Variants in DGLUCY observed in about 807,000 individuals in gnomAD.
The protein encoded by DGLUCY is D-glutamate cyclase.
A neutral mutation model predicts 58.5 loss-of-function variants in DGLUCY; 58 were observed. That is an observed-to-expected ratio of 0.99 (90% CI 0.80 to 1.23). The LOEUF (loss-of-function observed/expected upper bound fraction) is 1.23. Ranked by LOEUF, DGLUCY falls within the 50% of genes most tolerant of loss-of-function variation. The probability of loss-of-function intolerance (pLI) is 0.00; values close to 1 mark genes in which losing one functional copy is unlikely to be tolerated. For synonymous variants in DGLUCY, 325 were observed against 314.1 expected (o/e 1.03, Z -0.37); for missense variants, 779 against 784.7 (o/e 0.99, Z 0.09).
chr14:91,172,939 T>C (rs184411071), intron 5 of DGLUCY, among the ~76,000 whole-genome samples: 1 of 152,300 alleles, frequency 6.6e-6, no homozygotes, highest in East Asian at 1.9e-4. Context: ...CCATCGTGTC[T>C]GGCCACATTT....
rs1377413776 is a variant in DGLUCY, at chr14:91,162,280, CCT to C, written c.103+1890_103+1891del. 2.6e-5 allele frequency among the ~76,000 whole-genome samples: 4 copies of C among 152,118 alleles called. No individual in the cohort carries two copies. In the East Asian group the frequency reaches 5.8e-4, roughly 22 times the overall value. ...TTAGAAATGTTAAAGGGTGTTTTTT[CCT>C]CTCTCTTGTCATTAAGTTAAAAAAA... On this transcript the variant is annotated intron_variant, in intron 3 of 13. Coordinates refer to ENST00000256324, the MANE Select transcript of DGLUCY (RefSeq NM_001102368.3).
upstream of DGLUCY, among the ~76,000 whole-genome samples, chr14:91,113,573 C>T (rs1178213514): frequency 6.6e-6 from 1 of 152,190 alleles, no homozygotes; most frequent in Non-Finnish European, 1.5e-5. Flanking sequence ...CTTACCAAGA[C>T]CTCTAAATGT....
At chr14:91,200,918 T>G (rs1366910021) in intron 11 of DGLUCY, among the ~76,000 whole-genome samples, 2 of 145,180 alleles carry the variant, frequency 1.4e-5, no homozygotes, top group Admixed American at 7.1e-5. Context: ...AGCAATTTTT[T>G]GCGGGCAGGG....
chr14:91,062,968 T>C (rs1361743397), intron 1 of DGLUCY, among the ~76,000 whole-genome samples: 1 of 152,178 alleles, frequency 6.6e-6, no homozygotes, highest in African/African-American at 2.4e-5. Context: ...ACAGATGCAG[T>C]CCTTGCTCCT....
intron 1 of DGLUCY, among the ~76,000 whole-genome samples, chr14:91,153,117 G>T (rs780451751): frequency 6.6e-6 from 1 of 152,024 alleles, no homozygotes; most frequent in Non-Finnish European, 1.5e-5. Context: ...CTCCCTGGCC[G>T]CCTTTTCTCA....
intron 11 of DGLUCY, among the ~76,000 whole-genome samples, chr14:91,200,951 C>A (rs895898456): frequency 1.3e-5 from 2 of 149,616 alleles, no homozygotes; most frequent in Non-Finnish European, 3.0e-5. Context: ...AAAGTACATT[C>A]TCAAGGGTGG....
chr14:91,186,483 A>G (rs1402014290), intron 8 of DGLUCY, among the ~76,000 whole-genome samples: 1 of 152,042 alleles, frequency 6.6e-6, no homozygotes, highest in Non-Finnish European at 1.5e-5. Flanking sequence ...CTGACCATGG[A>G]TCAGGTGATG....
exon 1 of DGLUCY, chr14:91,060,653 GCC>G (rs2043638701): frequency 2.0e-6 from 1 of 493,076 alleles, no homozygotes; most frequent in Non-Finnish European, 3.1e-6. Flanking sequence ...CAACCAAACC[GCC>G]CCCTGCTCCA....
At chr14:91,095,913 C>T (rs1463348500) in intron 1 of DGLUCY, among the ~76,000 whole-genome samples, 2 of 152,168 alleles carry the variant, frequency 1.3e-5, no homozygotes, top group Non-Finnish European at 2.9e-5. Context: ...GAGTCCAGCC[C>T]CTGCTTTCCA....
chr14:91,190,312 G>A (rs1015154806), intron 9 of DGLUCY, among the ~76,000 whole-genome samples: 2 of 151,920 alleles, frequency 1.3e-5, no homozygotes, highest in African/African-American at 2.4e-5. Flanking sequence ...AGATCCACCC[G>A]TGAGCAAAAC....
intron 1 of DGLUCY, among the ~76,000 whole-genome samples, chr14:91,061,031 G>A (rs1050866906): frequency 6.6e-6 from 1 of 152,124 alleles, no homozygotes; most frequent in Non-Finnish European, 1.5e-5. Context: ...GAGGCGCTCG[G>A]GGTCTCTGAT....
chr14:91,196,267 T>G, intron 9 of DGLUCY, 108 bp from the exon 10 acceptor site: 1 of 788,178 alleles, frequency 1.3e-6, no homozygotes, highest in East Asian at 2.6e-5. Flanking sequence ...ATAGATGTTG[T>G]TCAACAACAG....
intron 1 of DGLUCY, among the ~76,000 whole-genome samples, chr14:91,116,942 CA>C (rs11442546): frequency 1.1e-4 from 15 of 142,572 alleles, no homozygotes; most frequent in Non-Finnish European, 7.6e-5. Flanking sequence ...GAGTCTGTCT[CA>C]AAAAAAAAAA....
intron 1 of DGLUCY, among the ~76,000 whole-genome samples, chr14:91,133,678 C>T (rs996321182): frequency 2.0e-5 from 3 of 152,118 alleles, no homozygotes; most frequent in African/African-American, 2.4e-5. Flanking sequence ...CATGAGCCAC[C>T]GCCTGTAGCC....
At chr14:91,195,495 G>T (rs1028492695) in intron 9 of DGLUCY, among the ~76,000 whole-genome samples, 1 of 152,008 alleles carries the variant, frequency 6.6e-6, no homozygotes, top group Non-Finnish European at 1.5e-5. Flanking sequence ...TCCTTCAGTT[G>T]TTCTTGACCT....
intron 12 of DGLUCY, among the ~76,000 whole-genome samples, chr14:91,210,462 T>C (rs1885498407): frequency 6.6e-6 from 1 of 151,888 alleles, no homozygotes. Flanking sequence ...AGTTTAGGAG[T>C]TGGAGGCTGC....
chr14:91,206,677 C>G (rs1884760340), intron 12 of DGLUCY, among the ~76,000 whole-genome samples: 1 of 152,150 alleles, frequency 6.6e-6, no homozygotes, highest in African/African-American at 2.4e-5. Flanking sequence ...GCCACTGCGC[C>G]TGGCCCAGCT....
At chr14:91,073,412 GC>G (rs1368103631) in intron 1 of DGLUCY, among the ~76,000 whole-genome samples, 5 of 152,226 alleles carry the variant, frequency 3.3e-5, no homozygotes, top group African/African-American at 1.2e-4. Flanking sequence ...CTATACTCCA[GC>G]CTGGGCGACA....
chr14:91,131,134 G>A (rs1419738320), intron 1 of DGLUCY, among the ~76,000 whole-genome samples: 1 of 152,126 alleles, frequency 6.6e-6, no homozygotes. Context: ...ATTTTTAGTA[G>A]AGACGAGGTT....
Sources: gnomAD v4.1 joint callset for allele counts (sites outside exome capture counted in the v4.1 genomes callset) on GRCh38, gnomAD v4.1.1 for gene constraint, MANE v1.5 for transcripts, NCBI Gene and HGNC (gene_info 2026-07-23, HGNC 2026-07-21) for gene names.